Variants in EIF3H observed in about 807,000 individuals in gnomAD.
EIF3H encodes the protein eIF-3-gamma.
In EIF3H, 26 loss-of-function variants were observed where a neutral mutation model predicts 44.2. The ratio of observed to expected loss-of-function variants is 0.59; its 90% CI spans 0.43 to 0.82. The LOEUF (loss-of-function observed/expected upper bound fraction) is 0.82. Among genes scored for constraint, EIF3H ranks in the 40% least tolerant of loss-of-function variants. The pLI is 0.00. For synonymous variants in EIF3H, 166 were observed against 151.9 expected (o/e 1.09, Z -0.68); for missense variants, 359 against 432.8 (o/e 0.83, Z 1.51).
At chr8:116,727,823 CA>C (rs1814875245) in intron 1 of EIF3H, among the ~76,000 whole-genome samples, 1 of 152,162 alleles carries the variant, frequency 6.6e-6, no homozygotes, top group Non-Finnish European at 1.5e-5. Context: ...TGCACTGTAA[CA>C]TCTTTGGTCG....
chr8:116,699,403 A>G (rs909700919), intron 2 of EIF3H, among the ~76,000 whole-genome samples: 4 of 152,238 alleles, frequency 2.6e-5, no homozygotes, highest in Non-Finnish European at 5.9e-5. Flanking sequence ...GGTAATCTAC[A>G]TGAACACTGA....
chr8:116,736,957 TGC>T, intron 1 of EIF3H, among the ~76,000 whole-genome samples: 1 of 152,246 alleles, frequency 6.6e-6, no homozygotes, highest in South Asian at 2.1e-4. Context: ...CAAAGTATAC[TGC>T]TTAGAATTTT....
rs564100013 is a variant in EIF3H at position 116,685,717 on chromosome 8, C to A, written c.290-26737G>T. 4.0e-4 allele frequency among the ~76,000 whole-genome samples: 61 copies of A among 152,312 alleles called. 1 individual carries two copies. In the South Asian group the frequency reaches 0.012, roughly 30 times the overall value. On this transcript the variant is annotated intron_variant, in intron 2 of 7. Coordinates refer to ENST00000521861, the MANE Select transcript of EIF3H (RefSeq NM_003756.3). Reference sequence around the variant, plus strand: ...AACTCAAAAGGCACACAATGCTCAGCAGCCTTGCTCCTCCATTTGTTTTTA... The same window carrying A: ...AACTCAAAAGGCACACAATGCTCAGAAGCCTTGCTCCTCCATTTGTTTTTA...
intron 1 of EIF3H, among the ~76,000 whole-genome samples, chr8:116,739,204 T>C (rs1197525991): frequency 6.6e-6 from 1 of 152,254 alleles, no homozygotes; most frequent in Non-Finnish European, 1.5e-5. Context: ...TTCCTGCTTC[T>C]TAAGGACATG....
chr8:116,684,560 T>A (rs758456862), intron 2 of EIF3H, among the ~76,000 whole-genome samples: 126 of 152,202 alleles, frequency 8.3e-4, no homozygotes, highest in Non-Finnish European at 1.4e-3. Flanking sequence ...ATTTTTTTTT[T>A]AAAGCAACAG....
intron 2 of EIF3H, among the ~76,000 whole-genome samples, chr8:116,675,959 T>C (rs1813840014): frequency 6.6e-6 from 1 of 152,216 alleles, no homozygotes; most frequent in Non-Finnish European, 1.5e-5. Flanking sequence ...TTCAATGCCT[T>C]ATCCTCCAAA....
intron 2 of EIF3H, among the ~76,000 whole-genome samples, chr8:116,676,067 T>A (rs1246309537): frequency 6.6e-6 from 1 of 152,164 alleles, no homozygotes; most frequent in Non-Finnish European, 1.5e-5. Flanking sequence ...TTCACTACCA[T>A]CGAAATGTGA....
At chr8:116,714,593 C>T (rs754491518) in intron 2 of EIF3H, among the ~76,000 whole-genome samples, 9 of 151,892 alleles carry the variant, frequency 5.9e-5, no homozygotes, top group Non-Finnish European at 1.0e-4. Context: ...TTGACCACAA[C>T]GATATGAGGT....
intron 7 of EIF3H, among the ~76,000 whole-genome samples, chr8:116,645,511 T>C (rs1813282369): frequency 6.6e-6 from 1 of 152,118 alleles, no homozygotes; most frequent in Non-Finnish European, 1.5e-5. Context: ...ACAAGTACGG[T>C]AGGTTTTCAG....
At chr8:116,664,071 C>A (rs1055379915) in intron 2 of EIF3H, among the ~76,000 whole-genome samples, 9 of 152,044 alleles carry the variant, frequency 5.9e-5, no homozygotes, top group Non-Finnish European at 1.3e-4. Context: ...TTTTATAAAT[C>A]TCTTCAACTT....
chr8:116,684,939 G>A (rs755263600), intron 2 of EIF3H, among the ~76,000 whole-genome samples: 6 of 152,094 alleles, frequency 3.9e-5, no homozygotes, highest in Non-Finnish European at 5.9e-5. Flanking sequence ...TTGCTGTACA[G>A]TCAAGAAAGA....
At chr8:116,680,692 A>C (rs1174382283) in intron 2 of EIF3H, among the ~76,000 whole-genome samples, 2 of 135,828 alleles carry the variant, frequency 1.5e-5, no homozygotes, top group Non-Finnish European at 3.1e-5. Flanking sequence ...AACACTGCGG[A>C]AGGCCGCAGG....
rs190327702 is a variant in EIF3H at position 116,670,317 on chromosome 8, C to T, written c.290-11337G>A. 7.9e-5 allele frequency among the ~76,000 whole-genome samples: 12 copies of T among 152,268 alleles called. No individual in the cohort carries two copies. In the East Asian group the frequency reaches 2.3e-3, roughly 29 times the overall value. On this transcript the variant is annotated intron_variant, in intron 2 of 7. Transcript: ENST00000521861. ...TGCGGAGGTGAGGCTAGGTGTGAGG[C>T]AGTTATCAATCCAGTTCCGGGGCAG...
intron 5 of EIF3H, 31 bp downstream of exon 5, chr8:116,655,824 AC>A: frequency 6.2e-7 from 1 of 1,607,880 alleles, no homozygotes; most frequent in Non-Finnish European, 8.5e-7. Flanking sequence ...AAGTTCTAAA[AC>A]ATGGGCTTTT....
At chr8:116,755,526 T>C (rs1815425285) in intron 1 of EIF3H, 140 bp downstream of exon 1, 8 of 1,128,828 alleles carry the variant, frequency 7.1e-6, no homozygotes, top group Admixed American at 5.5e-5. Flanking sequence ...AAAGTGAAGA[T>C]GAAAGAGAAA....
chr8:116,681,666 C>CAAA (rs1176033381), intron 2 of EIF3H, among the ~76,000 whole-genome samples: 7,038 of 90,514 alleles, frequency 0.078, 295 homozygotes, highest in African/African-American at 0.13. Context: ...AACTCCATCT[C>CAAA]AAAAAAAAAA....
At chr8:116,651,002 G>A (rs1813381351) in intron 5 of EIF3H, among the ~76,000 whole-genome samples, 1 of 152,204 alleles carries the variant, frequency 6.6e-6, no homozygotes, top group African/African-American at 2.4e-5. Flanking sequence ...GCTGCCAGGG[G>A]TTAGGGGAAT....
At chr8:116,740,549 A>C (rs1815111850) in intron 1 of EIF3H, among the ~76,000 whole-genome samples, 1 of 152,092 alleles carries the variant, frequency 6.6e-6, no homozygotes, top group Non-Finnish European at 1.5e-5. Flanking sequence ...CTTCTGTAAG[A>C]CAGTGATTTA....
intron 6 of EIF3H, 151 bp from the exon 7 acceptor site, chr8:116,646,754 G>C (rs1813308430): frequency 9.4e-7 from 1 of 1,060,972 alleles, no homozygotes; most frequent in African/African-American, 1.6e-5. Flanking sequence ...TTGCGTCTAA[G>C]AAGCTAAATA....
Sources: gnomAD v4.1 joint callset for allele counts (sites outside exome capture counted in the v4.1 genomes callset) on GRCh38, gnomAD v4.1.1 for gene constraint, MANE v1.5 for transcripts, NCBI Gene and HGNC (gene_info 2026-07-23, HGNC 2026-07-21) for gene names.